Variants in NTNG1 observed in about 807,000 individuals in gnomAD.
NTNG1 encodes the protein netrin G1.
NTNG1 carries 16 observed loss-of-function variants against 54.0 expected under a neutral mutation model. The observed-to-expected ratio is 0.30, with a 90% CI of 0.20 to 0.45. The LOEUF (loss-of-function observed/expected upper bound fraction) is 0.45, where lower values mean the gene tolerates loss of function less well. Among genes scored for constraint, NTNG1 ranks in the 20% least tolerant of loss-of-function variants. The pLI, the probability that NTNG1 is intolerant of heterozygous loss-of-function variation, is 1.00. For synonymous variants in NTNG1, 255 were observed against 263.1 expected (o/e 0.97, Z 0.30); for missense variants, 530 against 678.7 (o/e 0.78, Z 2.43).
chr1:107,160,567 T>A (rs532417451), intron 2 of NTNG1, among the ~76,000 whole-genome samples: 9 of 137,848 alleles, frequency 6.5e-5, no homozygotes, highest in Admixed American at 4.9e-4. Flanking sequence ...TATGTGTGTG[T>A]ATAATTTAAA....
chr1:107,213,704 T>C (rs550549327), intron 2 of NTNG1, among the ~76,000 whole-genome samples: 1 of 152,276 alleles, frequency 6.6e-6, no homozygotes, highest in South Asian at 2.1e-4. Flanking sequence ...GCTATATGTC[T>C]TTGTTCTTTC....
chr1:107,467,343 C>T (rs1398835507), intron 7 of NTNG1, among the ~76,000 whole-genome samples: 1 of 152,156 alleles, frequency 6.6e-6, no homozygotes, highest in Admixed American at 6.5e-5. Flanking sequence ...TGTGAAACTT[C>T]ATTACCTAAT....
chr1:107,175,029 A>G (rs1656539036), intron 2 of NTNG1, among the ~76,000 whole-genome samples: 1 of 152,194 alleles, frequency 6.6e-6, no homozygotes, highest in East Asian at 1.9e-4. Flanking sequence ...GTGAAATATT[A>G]TCAAGCATTA....
At chr1:107,251,157 T>C (rs565557089) in intron 2 of NTNG1, among the ~76,000 whole-genome samples, 1 of 152,260 alleles carries the variant, frequency 6.6e-6, no homozygotes, top group African/African-American at 2.4e-5. Flanking sequence ...AGTTGAAAGA[T>C]TTACCTAAAT....
chr1:107,205,695 T>C (rs1659138661), intron 2 of NTNG1, among the ~76,000 whole-genome samples: 2 of 151,954 alleles, frequency 1.3e-5, no homozygotes, highest in African/African-American at 4.8e-5. Flanking sequence ...TACAGAACAA[T>C]GAATTTTCAC....
At chr1:107,188,630 G>T (rs1212952790) in intron 2 of NTNG1, among the ~76,000 whole-genome samples, 1 of 152,078 alleles carries the variant, frequency 6.6e-6, no homozygotes, top group African/African-American at 2.4e-5. Context: ...CACTTTGCTT[G>T]AAATCATATG....
At chr1:107,357,718 T>A (rs532370685) in intron 3 of NTNG1, among the ~76,000 whole-genome samples, 1 of 152,292 alleles carries the variant, frequency 6.6e-6, no homozygotes, top group South Asian at 2.1e-4. Context: ...TTTTTTTCAG[T>A]GATATTTAAC....
intron 5 of NTNG1, among the ~76,000 whole-genome samples, chr1:107,427,994 G>A (rs1422082040): frequency 6.6e-6 from 1 of 151,938 alleles, no homozygotes; most frequent in East Asian, 1.9e-4. Context: ...GTTGAACTTG[G>A]GTATCTTACA....
At chr1:107,347,646 T>G (rs1264065549) in intron 3 of NTNG1, among the ~76,000 whole-genome samples, 1 of 152,188 alleles carries the variant, frequency 6.6e-6, no homozygotes, top group Non-Finnish European at 1.5e-5. Flanking sequence ...TTATCTGTGT[T>G]AGTCCATTCT....
intron 3 of NTNG1, among the ~76,000 whole-genome samples, chr1:107,374,579 A>T (rs1671116728): frequency 6.6e-6 from 1 of 152,110 alleles, no homozygotes; most frequent in South Asian, 2.1e-4. Context: ...TTTTAAAAAT[A>T]TATATCTATA....
intron 2 of NTNG1, among the ~76,000 whole-genome samples, chr1:107,195,829 T>A (rs1433217554): frequency 6.6e-6 from 1 of 152,024 alleles, no homozygotes; most frequent in Non-Finnish European, 1.5e-5. Context: ...TATTTTCTTC[T>A]TGGTAAATCC....
At chr1:107,442,412 A>G (rs1676021990) in intron 7 of NTNG1, among the ~76,000 whole-genome samples, 1 of 152,132 alleles carries the variant, frequency 6.6e-6, no homozygotes, top group African/African-American at 2.4e-5. Flanking sequence ...TAGACTACCT[A>G]TAAAAAAAAG....
chr1:107,403,418 C>G (rs1673172989), intron 4 of NTNG1, among the ~76,000 whole-genome samples: 1 of 151,948 alleles, frequency 6.6e-6, no homozygotes, highest in Non-Finnish European at 1.5e-5. Flanking sequence ...TGTTAAAACT[C>G]ATGCACTGGG....
At chr1:107,164,381 G>A (rs1391633087) in intron 2 of NTNG1, among the ~76,000 whole-genome samples, 1 of 152,182 alleles carries the variant, frequency 6.6e-6, no homozygotes, top group Non-Finnish European at 1.5e-5. Flanking sequence ...AAAAGCTGTT[G>A]TAATCCATAC....
At chr1:107,387,044 C>T (rs144748631) in intron 3 of NTNG1, among the ~76,000 whole-genome samples, 4 of 152,284 alleles carry the variant, frequency 2.6e-5, no homozygotes, top group African/African-American at 9.6e-5. Context: ...ATTTGTATAT[C>T]GTCTTCTTAA....
At chr1:107,348,103 T>A (rs1669365621) in intron 3 of NTNG1, among the ~76,000 whole-genome samples, 2 of 102,482 alleles carry the variant, frequency 2.0e-5, no homozygotes, top group Non-Finnish European at 3.9e-5. Context: ...GTTTGCTTTT[T>A]TTGTTTGCTT....
At chr1:107,302,312 T>G (rs988085934) in intron 2 of NTNG1, among the ~76,000 whole-genome samples, 3 of 152,128 alleles carry the variant, frequency 2.0e-5, no homozygotes, top group African/African-American at 7.2e-5. Context: ...ACAAATTCAC[T>G]CTTCCTGCTT....
intron 3 of NTNG1, among the ~76,000 whole-genome samples, chr1:107,356,172 A>G (rs1200323090): frequency 6.6e-6 from 1 of 152,218 alleles, no homozygotes; most frequent in African/African-American, 2.4e-5. Context: ...CCTCACATAG[A>G]CATATTTTAA....
chr1:107,342,902 A>G (rs574367494), intron 3 of NTNG1, among the ~76,000 whole-genome samples: 2 of 152,242 alleles, frequency 1.3e-5, no homozygotes, highest in South Asian at 4.1e-4. Context: ...AACATGGATA[A>G]GACACACTCC....
Sources: gnomAD v4.1 joint callset for allele counts (sites outside exome capture counted in the v4.1 genomes callset) on GRCh38, gnomAD v4.1.1 for gene constraint, MANE v1.5 for transcripts, NCBI Gene and HGNC (gene_info 2026-07-23, HGNC 2026-07-21) for gene names.